THEM4: variants seen among roughly 807,000 people sequenced by gnomAD.
THEM4 encodes acyl-coenzyme A thioesterase THEM4.
A neutral mutation model predicts 25.0 loss-of-function variants in THEM4; 22 were observed. The ratio of observed to expected loss-of-function variants is 0.88; its 90% CI spans 0.63 to 1.26. The LOEUF (loss-of-function observed/expected upper bound fraction) is 1.26. Ranked by LOEUF, THEM4 falls within the 50% of genes most tolerant of loss-of-function variation. The probability of loss-of-function intolerance (pLI) is 0.00; values close to 1 mark genes in which losing one functional copy is unlikely to be tolerated. For synonymous variants in THEM4, 113 were observed against 105.6 expected (o/e 1.07, Z -0.43); for missense variants, 286 against 300.3 (o/e 0.95, Z 0.35).
chr1:151,897,055 A>G (rs1274481972), intron 1 of THEM4, among the ~76,000 whole-genome samples: 1 of 152,246 alleles, frequency 6.6e-6, no homozygotes. Flanking sequence ...GGAACATTGC[A>G]GGGATCCTAG....
chr1:151,880,784 T>C (rs1375234532), intron 4 of THEM4, among the ~76,000 whole-genome samples: 1 of 152,186 alleles, frequency 6.6e-6, no homozygotes. Flanking sequence ...ATGTCTCATA[T>C]AGTTTCTAGT....
chr1:151,892,618 ATTTTT>A (rs1377944633), intron 2 of THEM4, among the ~76,000 whole-genome samples: 1 of 151,972 alleles, frequency 6.6e-6, no homozygotes, highest in Admixed American at 6.6e-5. Context: ...GATTAGTTTT[ATTTTT>A]GTTTTATTCA....
At chr1:151,878,672 A>G (rs1243409737) in intron 4 of THEM4, among the ~76,000 whole-genome samples, 1 of 152,194 alleles carries the variant, frequency 6.6e-6, no homozygotes, top group Admixed American at 6.5e-5. Flanking sequence ...TTCAGAAAAT[A>G]CAAAATAATG....
chr1:151,876,417 G>A (rs1283556774), intron 5 of THEM4, among the ~76,000 whole-genome samples: 5 of 151,394 alleles, frequency 3.3e-5, no homozygotes, highest in African/African-American at 1.2e-4. Context: ...ATAAAGTCCT[G>A]GAGGTGGGTC....
chr1:151,878,068 T>C (rs903818200), intron 4 of THEM4, among the ~76,000 whole-genome samples: 6 of 152,222 alleles, frequency 3.9e-5, no homozygotes, highest in African/African-American at 1.4e-4. Flanking sequence ...GTTGAGTCAA[T>C]TCAACATTTA....
In THEM4 at chr1:151,872,809, G is replaced by A. The variant is rs1653582979; in HGVS notation, c.*2079C>T. ...CAAAATGCACTGTGGAAAGCCGCAG[G>A]GACCTCTGCCCAAGAAAGCCTGGGT... On this transcript the variant is annotated 3_prime_UTR_variant, in exon 6 of 6. Coordinates refer to ENST00000368814, the MANE Select transcript of THEM4 (RefSeq NM_053055.5). 6.6e-6 allele frequency among the ~76,000 whole-genome samples: 1 copy of A among 152,102 alleles called. No individual in the cohort carries two copies. The highest frequency in any genetic ancestry group is 1.5e-5 in the Non-Finnish European group (1 of 68,030).
At chr1:151,906,167 G>C (rs369575458) in intron 1 of THEM4, among the ~76,000 whole-genome samples, 3 of 152,248 alleles carry the variant, frequency 2.0e-5, no homozygotes, top group Admixed American at 6.5e-5. Flanking sequence ...AGGGCTGCGC[G>C]GGGTGCTTGT....
chr1:151,909,405 C>T lies in THEM4; in HGVS notation c.54G>A (p.Pro18=), dbSNP rs531565432. 45 of 1,503,486 alleles carry T rather than the reference C, an allele frequency of 3.0e-5. No homozygotes were observed. Among genetic ancestry groups the T allele is most frequent in the Non-Finnish European group, 4.0e-5 (45 of 1,132,980 alleles). 93.1% of individuals were successfully genotyped at this position (1,503,486 alleles called of 1,614,324 possible). A position where few individuals can be genotyped will look rare whatever the true frequency, so the allele number is the denominator to read the frequency against. The change falls in exon 1 of 6, where the codon CCG becomes CCA. Residue 18 remains proline, a synonymous_variant. Coordinates refer to ENST00000368814, the MANE Select transcript of THEM4 (RefSeq NM_053055.5). ...RLRTLGALCL[P]PVGRRLPGSE... ...TTCCCGGCAGGCGCCGGCCTACTGG[C>T]GGCAGGCACAGAGCCCCCAGCGTGC...
chr1:151,880,206 G>A (rs1292082083), intron 4 of THEM4, among the ~76,000 whole-genome samples: 1 of 151,532 alleles, frequency 6.6e-6, no homozygotes, highest in Non-Finnish European at 1.5e-5. Flanking sequence ...CAGGCTGGGT[G>A]CTGTGTCACA....
At chr1:151,886,554 T>C (rs1653974655) in intron 4 of THEM4, among the ~76,000 whole-genome samples, 1 of 152,140 alleles carries the variant, frequency 6.6e-6, no homozygotes, top group East Asian at 1.9e-4. Context: ...TTTAACATGT[T>C]AAGAAAACCC....
intron 1 of THEM4, among the ~76,000 whole-genome samples, chr1:151,908,925 T>C (rs1654534137): frequency 6.6e-6 from 1 of 152,216 alleles, no homozygotes; most frequent in Non-Finnish European, 1.5e-5. Flanking sequence ...AAAAGATCTC[T>C]AATTAATTGA....
intron 2 of THEM4, among the ~76,000 whole-genome samples, chr1:151,892,612 AGTTTT>A (rs2101724980): frequency 6.6e-6 from 1 of 152,326 alleles, no homozygotes; most frequent in Non-Finnish European, 1.5e-5. Flanking sequence ...TTTCTTGATT[AGTTTT>A]ATTTTTGTTT....
intron 4 of THEM4, among the ~76,000 whole-genome samples, chr1:151,884,643 AT>A (rs1653922863): frequency 6.7e-6 from 1 of 149,694 alleles, no homozygotes; most frequent in African/African-American, 2.5e-5. Context: ...TCACTGAGGT[AT>A]TTTTTTGTTT....
intron 3 of THEM4, among the ~76,000 whole-genome samples, chr1:151,888,991 A>G (rs1374230758): frequency 2.6e-5 from 4 of 152,128 alleles, no homozygotes; most frequent in Non-Finnish European, 5.9e-5. Flanking sequence ...CTATTGCCCT[A>G]TGCCCTATAA....
At chr1:151,906,256 C>T (rs561951647) in intron 1 of THEM4, among the ~76,000 whole-genome samples, 8 of 152,362 alleles carry the variant, frequency 5.3e-5, no homozygotes, top group Admixed American at 2.6e-4. Flanking sequence ...GCCGGCCCCA[C>T]GCAATGAGGG....
chr1:151,896,666 T>C (rs1439221489), intron 1 of THEM4, among the ~76,000 whole-genome samples: 1 of 152,198 alleles, frequency 6.6e-6, no homozygotes, highest in African/African-American at 2.4e-5. Context: ...CAGTGCTCTC[T>C]GAGGGATTTT....
chr1:151,890,471 G>C (rs960110086), intron 2 of THEM4: 1 of 194,078 alleles, frequency 5.2e-6, no homozygotes, highest in African/African-American at 2.3e-5. Flanking sequence ...ATCATGATTT[G>C]CCATATATAA....
intron 5 of THEM4, among the ~76,000 whole-genome samples, chr1:151,876,509 G>A (rs973310421): frequency 6.7e-6 from 1 of 150,180 alleles, no homozygotes; most frequent in African/African-American, 2.5e-5. Context: ...GTGCAGAGGT[G>A]CGATCTCAGC....
chr1:151,874,812 T>A lies in THEM4; in HGVS notation c.*76A>T. 7.4e-7 allele frequency: 1 copy of A among 1,360,278 alleles called. No individual in the cohort carries two copies. The highest frequency in any genetic ancestry group is 1.1e-6 in the Non-Finnish European group (1 of 950,256). 84.3% of individuals were successfully genotyped at this position (1,360,278 alleles called of 1,614,324 possible). ...GCTTCTCCCTACAGGGATTCAGCAG[T>A]GAGGGAGCAGAGTATTTGGGGGACA... On this transcript the variant is annotated 3_prime_UTR_variant, in exon 6 of 6. Coordinates refer to ENST00000368814, the MANE Select transcript of THEM4 (RefSeq NM_053055.5).
Sources: gnomAD v4.1 joint callset for allele counts (sites outside exome capture counted in the v4.1 genomes callset) on GRCh38, gnomAD v4.1.1 for gene constraint, MANE v1.5 for transcripts, NCBI Gene and HGNC (gene_info 2026-07-23, HGNC 2026-07-21) for gene names.